The following CLCC1 variants were observed in gnomAD, a reference collection of about 807,000 sequenced individuals.
CLCC1 encodes the protein chloride channel CLIC-like protein 1.
In CLCC1, 39 loss-of-function variants were observed where a neutral mutation model predicts 63.3. The observed-to-expected ratio is 0.62, with a 90% CI of 0.48 to 0.81. The LOEUF is 0.81. CLCC1 is among the 30% of genes least tolerant of loss of function. The pLI is 0.00. For missense variants in CLCC1, 549 were observed against 669.4 expected, an observed-to-expected ratio of 0.82 and a Z score of 1.98; for synonymous variants, 217 against 239.8, an observed-to-expected ratio of 0.90 and a Z score of 0.88.
intron 7 of CLCC1, among the ~76,000 whole-genome samples, chr1:108,942,164 G>A (rs1653938511): frequency 6.6e-6 from 1 of 152,134 alleles, no homozygotes; most frequent in Admixed American, 6.5e-5. Context: ...CTTGAACCCG[G>A]GAGGTGGAGG....
At chr1:108,941,024 T>C (rs1448242863) in intron 8 of CLCC1, among the ~76,000 whole-genome samples, 1 of 152,192 alleles carries the variant, frequency 6.6e-6, no homozygotes, top group Non-Finnish European at 1.5e-5. Flanking sequence ...CACAAGTCAA[T>C]ATAAGGCCAT....
At chr1:108,936,443 G>A (rs373705655) in intron 11 of CLCC1, among the ~76,000 whole-genome samples, 17 of 152,146 alleles carry the variant, frequency 1.1e-4, no homozygotes, top group African/African-American at 4.1e-4. Flanking sequence ...TGAAACTATG[G>A]GAAGGGATTC....
intron 10 of CLCC1, among the ~76,000 whole-genome samples, chr1:108,937,933 C>T (rs1453901615): frequency 6.6e-6 from 1 of 152,068 alleles, no homozygotes; most frequent in Non-Finnish European, 1.5e-5. Flanking sequence ...CCCAGGGACC[C>T]CCGGGGGATA....
At chr1:108,959,175 AAAATAAAT>A (rs572591868) in intron 2 of CLCC1, among the ~76,000 whole-genome samples, 1 of 152,096 alleles carries the variant, frequency 6.6e-6, no homozygotes, top group Non-Finnish European at 1.5e-5. Context: ...ACACCGTCTC[AAAATAAAT>A]AAATAAATAA....
chr1:108,952,333 C>T (rs1430478999), intron 2 of CLCC1, among the ~76,000 whole-genome samples: 1 of 152,068 alleles, frequency 6.6e-6, no homozygotes, highest in African/African-American at 2.4e-5. Flanking sequence ...CATGGGCCAC[C>T]ATACTTGGCT....
intron 3 of CLCC1, 25 bp downstream of exon 3, chr1:108,950,284 C>A (rs1217244851): frequency 1.3e-6 from 2 of 1,599,778 alleles, no homozygotes; most frequent in Non-Finnish European, 1.7e-6. Flanking sequence ...AGGTCTCACA[C>A]ACATGCACGA....
chr1:108,935,912 G>A (rs1452094584), intron 11 of CLCC1, among the ~76,000 whole-genome samples: 2 of 152,142 alleles, frequency 1.3e-5, no homozygotes, highest in Non-Finnish European at 2.9e-5. Flanking sequence ...AGCACGGAGG[G>A]AGAAGAGGTG....
chr1:108,944,147 T>A, intron 5 of CLCC1, 90 bp from the exon 6 acceptor site: 1 of 889,224 alleles, frequency 1.1e-6, no homozygotes, highest in Non-Finnish European at 1.7e-6. Context: ...AATTTGGAAC[T>A]AAATATTAGT....
intron 2 of CLCC1, among the ~76,000 whole-genome samples, chr1:108,960,963 G>C (rs1222941149): frequency 6.6e-6 from 1 of 152,096 alleles, no homozygotes; most frequent in Non-Finnish European, 1.5e-5. Flanking sequence ...CCAAAGTGCT[G>C]GGATTACAGG....
intron 5 of CLCC1, among the ~76,000 whole-genome samples, chr1:108,945,308 T>G (rs1654396760): frequency 6.6e-6 from 1 of 152,180 alleles, no homozygotes; most frequent in South Asian, 2.1e-4. Flanking sequence ...TGATGCTGTT[T>G]AATGATTGGT....
intron 2 of CLCC1, among the ~76,000 whole-genome samples, chr1:108,960,428 C>T (rs889186890): frequency 3.9e-5 from 6 of 152,066 alleles, no homozygotes; most frequent in South Asian, 2.1e-4. Flanking sequence ...TGGAAAAAAG[C>T]CATTGGATTG....
chr1:108,945,170 C>T (rs770132123), intron 5 of CLCC1, among the ~76,000 whole-genome samples: 18 of 152,156 alleles, frequency 1.2e-4, no homozygotes, highest in Non-Finnish European at 1.6e-4. Flanking sequence ...CTATACCTTA[C>T]GCTTGACTGA....
rs201927551 is a variant in CLCC1 at position 108,931,463 on chromosome 1, T to G, written c.*1084A>C. The G allele has an allele frequency of 5.2e-6, 8 of 1,550,738 alleles. No homozygotes were observed. Among genetic ancestry groups the G allele is most frequent in the Non-Finnish European group, 5.2e-6 (6 of 1,147,068 alleles). On this transcript the variant is annotated 3_prime_UTR_variant, in exon 13 of 13. Coordinates refer to ENST00000369969, the MANE Select transcript of CLCC1 (RefSeq NM_001377458.1). ...AACAAGTTGCCAACTTGTTTCACTC[T>G]GCTTGCTTCAGACTGTGCACAGCTG...
intron 2 of CLCC1, among the ~76,000 whole-genome samples, chr1:108,953,143 A>G (rs1380306138): frequency 6.6e-6 from 1 of 152,190 alleles, no homozygotes; most frequent in Non-Finnish European, 1.5e-5. Flanking sequence ...TATAAGAATC[A>G]GGCAAGAGAA....
At position 108,943,890 on chromosome 1, in the gene CLCC1, T is replaced by C. The variant is rs756936632; in HGVS notation, c.507A>G (p.Thr169=). 6.2e-7 allele frequency: 1 copy of C among 1,613,982 alleles called. No homozygotes were observed. Among genetic ancestry groups the C allele is most frequent in the South Asian group, 1.1e-5 (1 of 91,042 alleles). The change falls in exon 6 of 13, where the codon ACA becomes ACG. Residue 169 remains threonine (T), a synonymous_variant. Coordinates refer to ENST00000369969, the MANE Select transcript of CLCC1 (RefSeq NM_001377458.1). ...AGGAATCTTCGAATCGCCACTTCCA[T>C]GTTTCAAAATCATGAAACTTAAAAT... ...LINFKFHDFE[T]WKWRFEDSFG...
chr1:108,936,997 G>A (rs765280332), intron 11 of CLCC1, 80 bp downstream of exon 11: 10 of 1,044,964 alleles, frequency 9.6e-6, no homozygotes, highest in Non-Finnish European at 1.3e-5. Flanking sequence ...GGGTAAAAGA[G>A]TAAAAACAAT....
At chr1:108,941,900 C>T (rs575733878) in intron 7 of CLCC1, among the ~76,000 whole-genome samples, 54 of 152,182 alleles carry the variant, frequency 3.5e-4, no homozygotes, top group African/African-American at 1.1e-3. Context: ...GTGATCCGCC[C>T]GCCTCAGCCT....
chr1:108,934,824 T>C lies in CLCC1; in HGVS notation c.1502A>G (p.Asp501Gly). ...SQSAKPVSGQ[D>G]TSGNTEGSPA... ...TGAACCTTCTGTATTCCCTGATGTG[T>C]CTTGGCCAGAGACAGGCTTGGCCGA... The change falls in exon 12 of 13, where the codon GAC (aspartate) becomes GGC (glycine). Residue 501 changes from aspartate to glycine, a missense_variant. Coordinates refer to ENST00000369969, the MANE Select transcript of CLCC1 (RefSeq NM_001377458.1). 6.2e-7 allele frequency: 1 copy of C among 1,614,208 alleles called. No homozygotes were observed. The highest frequency in any genetic ancestry group is 8.5e-7 in the Non-Finnish European group (1 of 1,180,036).
intron 8 of CLCC1, among the ~76,000 whole-genome samples, chr1:108,940,460 C>T (rs1653695685): frequency 6.6e-6 from 1 of 152,028 alleles, no homozygotes; most frequent in Admixed American, 6.6e-5. Context: ...AATGGGAAGT[C>T]GAAATAAGAC....
Sources: allele counts gnomAD v4.1 joint callset (sites outside exome capture counted in the v4.1 genomes callset), GRCh38; gene constraint gnomAD v4.1.1; transcripts MANE v1.5; gene names NCBI Gene and HGNC (gene_info 2026-07-23, HGNC 2026-07-21).